Variants in CLSTN2 observed in about 807,000 individuals in gnomAD.
CLSTN2 encodes calsyntenin-2.
CLSTN2 carries 48 observed loss-of-function variants against 101.2 expected under a neutral mutation model. The ratio of observed to expected loss-of-function variants is 0.47; its 90% CI spans 0.38 to 0.60. The LOEUF (loss-of-function observed/expected upper bound fraction) is 0.60, where lower values mean the gene tolerates loss of function less well. Ranked by LOEUF, CLSTN2 falls within the 20% of genes least tolerant of loss-of-function variation. The pLI is 0.00. For synonymous variants in CLSTN2, 481 were observed against 463.6 expected, an observed-to-expected ratio of 1.04 and a Z score of -0.48; for missense variants, 1,160 against 1,238.2, an observed-to-expected ratio of 0.94 and a Z score of 0.95.
chr3:140,127,787 G>A (rs919038523), intron 1 of CLSTN2, among the ~76,000 whole-genome samples: 8 of 152,200 alleles, frequency 5.3e-5, no homozygotes, highest in Admixed American at 5.2e-4. Context: ...TATATATAAA[G>A]CAGGTAGAAC....
At chr3:140,094,967 T>G (rs752554674) in intron 1 of CLSTN2, among the ~76,000 whole-genome samples, 1 of 152,230 alleles carries the variant, frequency 6.6e-6, no homozygotes, top group Non-Finnish European at 1.5e-5. Context: ...TCAGTGGGAC[T>G]TCAAGGTCTC....
At chr3:140,166,841 T>G (rs2010142780) in intron 1 of CLSTN2, among the ~76,000 whole-genome samples, 2 of 152,190 alleles carry the variant, frequency 1.3e-5, no homozygotes, top group African/African-American at 4.8e-5. Flanking sequence ...AGGGGCATGA[T>G]ATGACACAGC....
At chr3:140,511,650 C>A (rs756928049) in intron 8 of CLSTN2, among the ~76,000 whole-genome samples, 1 of 148,982 alleles carries the variant, frequency 6.7e-6, no homozygotes, top group Non-Finnish European at 1.5e-5. Flanking sequence ...CCCGGGTTCA[C>A]GCAATTCTCC....
chr3:140,170,213 G>C (rs2010191045), intron 1 of CLSTN2, among the ~76,000 whole-genome samples: 2 of 152,114 alleles, frequency 1.3e-5, no homozygotes, highest in Admixed American at 1.3e-4. Context: ...ATGATCATTT[G>C]ACCACTAAAA....
At position 140,232,119 on chromosome 3, in the gene CLSTN2, G is replaced by A. The variant is rs142377429; in HGVS notation, c.232+56046G>A. Among the ~76,000 whole-genome samples, 130 of 152,260 alleles carry A rather than the reference G, an allele frequency of 8.5e-4. 1 individual carries two copies. Among genetic ancestry groups the A allele is most frequent in the African/African-American group, 3.0e-3 (126 of 41,546 alleles). On this transcript the variant is annotated intron_variant, in intron 2 of 16. Transcript: ENST00000458420. Reference sequence around the variant, plus strand: ...AATGTTAGGTATCAATTCTGTTCTGGAAACCTGTGATATAGCTTGTGAGAT... The same window carrying A: ...AATGTTAGGTATCAATTCTGTTCTGAAAACCTGTGATATAGCTTGTGAGAT...
chr3:140,112,247 T>C (rs2009168201), intron 1 of CLSTN2, among the ~76,000 whole-genome samples: 1 of 152,214 alleles, frequency 6.6e-6, no homozygotes, highest in Non-Finnish European at 1.5e-5. Context: ...CTTTAACTAC[T>C]TGTCTTCTAA....
At chr3:140,299,952 A>G (rs1280660059) in intron 2 of CLSTN2, among the ~76,000 whole-genome samples, 2 of 152,180 alleles carry the variant, frequency 1.3e-5, no homozygotes, top group Non-Finnish European at 2.9e-5. Context: ...AGAATGCCAC[A>G]TGTGATGATG....
intron 1 of CLSTN2, among the ~76,000 whole-genome samples, chr3:140,011,764 G>C (rs2007078493): frequency 6.6e-6 from 1 of 152,122 alleles, no homozygotes; most frequent in East Asian, 1.9e-4. Flanking sequence ...GAGTTTTGTT[G>C]AGTTCTGGCA....
chr3:140,571,051 C>T lies in CLSTN2; in HGVS notation c.*4798C>T, dbSNP rs1268672901. On this transcript the variant is annotated 3_prime_UTR_variant, in exon 17 of 17. Transcript: ENST00000458420. ...CAGATATTCCACGAGAGTTGAAAGCCTTGGATCGAGGTGATTGCCTGGTTA... is the reference window on the plus strand; with the variant it reads ...CAGATATTCCACGAGAGTTGAAAGCTTTGGATCGAGGTGATTGCCTGGTTA... 1 of 152,214 alleles carries T rather than the reference C, an allele frequency of 6.6e-6. No homozygotes were observed. Among genetic ancestry groups the T allele is most frequent in the African/African-American group, 2.4e-5 (1 of 41,440 alleles). The allele number at this position is 152,214 out of a possible 1,614,324, so 9.4% of individuals were successfully genotyped here.
At chr3:140,562,109 C>G in intron 12 of CLSTN2, 29 bp from the exon 13 acceptor site, 1 of 1,607,580 alleles carries the variant, frequency 6.2e-7, no homozygotes, top group Non-Finnish European at 8.5e-7. Context: ...TCCTTCATGC[C>G]TGCATTTCCC....
Position 140,388,831 on chromosome 3 carries a change from C to T in CLSTN2, c.233-14798C>T, listed in dbSNP as rs192087783. On this transcript the variant is annotated intron_variant, in intron 2 of 16. Coordinates refer to ENST00000458420, the MANE Select transcript of CLSTN2 (RefSeq NM_022131.3). Reference sequence around the variant, plus strand: ...CTTAGGAAGGAAGTATCTAATATTTCACCATTAATGTTAGCTGTAGGTTTC... The same window carrying T: ...CTTAGGAAGGAAGTATCTAATATTTTACCATTAATGTTAGCTGTAGGTTTC... Among the ~76,000 whole-genome samples the T allele has an allele frequency of 2.6e-3, 402 of 152,318 alleles. 3 individuals carry two copies. Among genetic ancestry groups the T allele is most frequent in the African/African-American group, 9.2e-3 (384 of 41,580 alleles).
intron 2 of CLSTN2, among the ~76,000 whole-genome samples, chr3:140,199,434 G>T (rs2010690658): frequency 6.6e-6 from 1 of 152,102 alleles, no homozygotes; most frequent in Non-Finnish European, 1.5e-5. Flanking sequence ...GAGTAGACCT[G>T]GTCAGAATTG....
chr3:140,449,784 T>C (rs1933196706), intron 6 of CLSTN2: 1 of 152,194 alleles, frequency 6.6e-6, no homozygotes. Context: ...ATTCTGTTTG[T>C]TAAAGATAAG....
chr3:140,264,010 G>T (rs1254599719), intron 2 of CLSTN2, among the ~76,000 whole-genome samples: 1 of 152,058 alleles, frequency 6.6e-6, no homozygotes, highest in Admixed American at 6.6e-5. Flanking sequence ...TATCAAACTT[G>T]GGTGTTTTCA....
chr3:140,508,463 C>T (rs1934728440), intron 8 of CLSTN2: 1 of 152,210 alleles, frequency 6.6e-6, no homozygotes, highest in Admixed American at 6.5e-5. Flanking sequence ...ATCCCTTATA[C>T]TTACCTTGAG....
At chr3:140,015,669 C>T (rs768842223) in intron 1 of CLSTN2, among the ~76,000 whole-genome samples, 1 of 152,230 alleles carries the variant, frequency 6.6e-6, no homozygotes, top group Non-Finnish European at 1.5e-5. Context: ...TAGTTCTGGA[C>T]ATGATGAGTT....
chr3:140,430,378 A>G (rs1452224006), intron 5 of CLSTN2, among the ~76,000 whole-genome samples: 8 of 152,216 alleles, frequency 5.3e-5, no homozygotes, highest in Non-Finnish European at 1.2e-4. Flanking sequence ...ACTGTGAACT[A>G]AGAGATGGTT....
chr3:140,165,689 G>A (rs1158453197), intron 1 of CLSTN2, among the ~76,000 whole-genome samples: 3 of 152,130 alleles, frequency 2.0e-5, no homozygotes, highest in African/African-American at 7.2e-5. Context: ...CCTAATGGAG[G>A]GCAGGACAGC....
At chr3:140,473,656 C>T (rs951056282) in intron 8 of CLSTN2, among the ~76,000 whole-genome samples, 2 of 152,128 alleles carry the variant, frequency 1.3e-5, no homozygotes, top group Non-Finnish European at 2.9e-5. Flanking sequence ...TGTGGCCCTG[C>T]TGACACCTCC....
Sources: gnomAD v4.1 joint callset for allele counts (sites outside exome capture counted in the v4.1 genomes callset) on GRCh38, gnomAD v4.1.1 for gene constraint, MANE v1.5 for transcripts, NCBI Gene and HGNC (gene_info 2026-07-23, HGNC 2026-07-21) for gene names.